Variants in MCPH1 observed in about 807,000 individuals in gnomAD.
The protein encoded by MCPH1 is microcephalin 1.
A neutral mutation model predicts 84.5 loss-of-function variants in MCPH1; 104 were observed. The observed-to-expected ratio is 1.23, with a 90% CI of 1.05 to 1.45. The LOEUF is 1.45. MCPH1 is among the 40% of genes most tolerant of loss of function. The probability of loss-of-function intolerance (pLI) is 0.00; values close to 1 mark genes in which losing one functional copy is unlikely to be tolerated. For synonymous variants in MCPH1, 514 were observed against 366.8 expected (o/e 1.40, Z -4.58); for missense variants, 1,498 against 1,005.7 (o/e 1.49, Z -6.62).
chr8:6,469,990 G>T (rs1014072120), intron 9 of MCPH1, among the ~76,000 whole-genome samples: 1 of 152,006 alleles, frequency 6.6e-6, no homozygotes, highest in African/African-American at 2.4e-5. Flanking sequence ...CTTTGGATGC[G>T]CCTAACTGTG....
intron 3 of MCPH1, among the ~76,000 whole-genome samples, chr8:6,420,365 G>A (rs1799990491): frequency 6.6e-6 from 1 of 152,112 alleles, no homozygotes; most frequent in Admixed American, 6.5e-5. Flanking sequence ...GGAGTCTTAA[G>A]CGTATTCTCC....
intron 12 of MCPH1, chr8:6,562,578 T>TTTTTTTTTTTTTTTTTTTTTTAA: frequency 2.3e-6 from 2 of 880,186 alleles, no homozygotes; most frequent in Non-Finnish European, 3.1e-6. Context: ...TTTTGGTTGT[T>TTTTTTTTTTTTTTTTTTTTTTAA]AAAACCTGAG....
chr8:6,593,833 T>G (rs1280592600), intron 12 of MCPH1, among the ~76,000 whole-genome samples: 1 of 152,234 alleles, frequency 6.6e-6, no homozygotes, highest in Non-Finnish European at 1.5e-5. Flanking sequence ...TACTTTCTTT[T>G]GCAAAGATTG....
At chr8:6,593,662 A>G (rs968981767) in intron 12 of MCPH1, among the ~76,000 whole-genome samples, 3 of 152,162 alleles carry the variant, frequency 2.0e-5, no homozygotes, top group Admixed American at 1.3e-4. Context: ...CCCAGACACC[A>G]TGTTTTTATG....
Position 6,621,558 on chromosome 8 carries a change from C to G in MCPH1, c.2319C>G (p.Ala773=). 1 of 1,614,220 alleles carries G rather than the reference C, an allele frequency of 6.2e-7. No homozygotes were observed. The highest frequency in any genetic ancestry group is 1.3e-5 in the African/African-American group (1 of 75,050). ...FVSPASSPPV[A]KLCELVHLCG... is the part of the protein sequence containing the mutation. The stretch of plus-strand genomic sequence containing the variant: ...CGCCTGCCAGCAGCCCCCCAGTGGC[C>G]AAGCTCTGTGAACTAGTCCACCTGT... The change falls in exon 13 of 14, where the codon GCC becomes GCG. Residue 773 remains alanine (A), a synonymous_variant. Coordinates refer to ENST00000344683, the MANE Select transcript of MCPH1 (RefSeq NM_024596.5).
chr8:6,483,712 T>C (rs1809509019), intron 11 of MCPH1, among the ~76,000 whole-genome samples: 1 of 152,070 alleles, frequency 6.6e-6, no homozygotes, highest in Admixed American at 6.5e-5. Flanking sequence ...ATAAAAAAAC[T>C]AGCTCGGCAT....
At position 6,645,728 on chromosome 8, in the gene MCPH1, A is replaced by G. The variant is rs372609256; in HGVS notation, c.*2679A>G. The G allele has an allele frequency of 1.8e-4, 28 of 152,168 alleles. No homozygotes were observed. In the East Asian group the frequency reaches 4.8e-3, roughly 26 times the overall value. 9.4% of individuals were successfully genotyped at this position (152,168 alleles called of 1,614,324 possible). A position where few individuals can be genotyped will look rare whatever the true frequency, so the allele number is the denominator to read the frequency against. ...ACCTAACAGAATTGTATTTATATAT[A>G]CTGTCAATAAGCAATTCAAAATGAA... On this transcript the variant is annotated 3_prime_UTR_variant, in exon 14 of 14. Coordinates refer to ENST00000344683, the MANE Select transcript of MCPH1 (RefSeq NM_024596.5).
chr8:6,509,774 T>C (rs550543113), intron 12 of MCPH1, among the ~76,000 whole-genome samples: 10 of 152,334 alleles, frequency 6.6e-5, no homozygotes, highest in Admixed American at 1.3e-4. Context: ...CATCATAGCT[T>C]AGCTCTAGCC....
chr8:6,509,781 A>C (rs2442635), intron 12 of MCPH1, among the ~76,000 whole-genome samples: 1 of 151,938 alleles, frequency 6.6e-6, no homozygotes, highest in Non-Finnish European at 1.5e-5. Context: ...GCTTAGCTCT[A>C]GCCTTCCTTA....
At chr8:6,445,622 A>T in intron 8 of MCPH1, 75 bp downstream of exon 8, 1 of 1,507,306 alleles carries the variant, frequency 6.6e-7, no homozygotes, top group Non-Finnish European at 8.8e-7. Context: ...TAAATTTATC[A>T]CAACTTTTTC....
In MCPH1 at chr8:6,505,479, AGAATATATATATTC is replaced by A. The variant is rs1813359165; in HGVS notation, c.2214+5551_2214+5564del. The stretch of plus-strand genomic sequence containing the variant: ...GAATATATATATTCTTTACATATAT[AGAATATATATATTC>A]TTTATATATGTATATATAGAATATA... On this transcript the variant is annotated intron_variant, in intron 12 of 13. Transcript: ENST00000344683. 1.5e-4 allele frequency among the ~76,000 whole-genome samples: 11 copies of A among 73,516 alleles called. 1 individual carries two copies. Among genetic ancestry groups the A allele is most frequent in the Non-Finnish European group, 1.9e-4 (7 of 37,006 alleles). 48.2% of individuals were successfully genotyped at this position (73,516 alleles called of 152,430 possible).
intron 10 of MCPH1, among the ~76,000 whole-genome samples, chr8:6,478,031 A>G (rs1489627090): frequency 6.6e-6 from 1 of 152,256 alleles, no homozygotes; most frequent in Non-Finnish European, 1.5e-5. Context: ...AAGGGTTAAT[A>G]GCTTGTTGGC....
chr8:6,496,689 A>T (rs150734243), intron 11 of MCPH1, among the ~76,000 whole-genome samples: 1 of 152,290 alleles, frequency 6.6e-6, no homozygotes, highest in African/African-American at 2.4e-5. Flanking sequence ...TAGTGTTATG[A>T]CTAACAGTAA....
chr8:6,461,627 A>G (rs1806310775), intron 9 of MCPH1, among the ~76,000 whole-genome samples: 1 of 152,062 alleles, frequency 6.6e-6, no homozygotes, highest in South Asian at 2.1e-4. Flanking sequence ...GGCGTGAGCC[A>G]CCACACCCGG....
intron 11 of MCPH1, chr8:6,494,517 T>G (rs1811024169): frequency 6.6e-6 from 1 of 152,160 alleles, no homozygotes; most frequent in Non-Finnish European, 1.5e-5. Flanking sequence ...AATAAAGTAC[T>G]CAGTAAACAC....
intron 12 of MCPH1, among the ~76,000 whole-genome samples, chr8:6,510,832 C>T (rs1814911274): frequency 6.6e-6 from 1 of 152,146 alleles, no homozygotes; most frequent in African/African-American, 2.4e-5. Flanking sequence ...ATTAAGGCAG[C>T]CCTAGAAACT....
chr8:6,443,164 G>A (rs1224117126), intron 7 of MCPH1, among the ~76,000 whole-genome samples: 1 of 152,162 alleles, frequency 6.6e-6, no homozygotes, highest in African/African-American at 2.4e-5. Context: ...GAAAAACCAG[G>A]ACACAGAGGT....
intron 12 of MCPH1, among the ~76,000 whole-genome samples, chr8:6,586,944 G>A (rs1033300290): frequency 6.6e-6 from 1 of 152,270 alleles, no homozygotes; most frequent in Non-Finnish European, 1.5e-5. Context: ...TCTGCTAACA[G>A]AGTGCAGGCT....
rs1323898856 is a variant in MCPH1 at position 6,505,460 on chromosome 8, AT to A, written c.2214+5532del. On this transcript the variant is annotated intron_variant, in intron 12 of 13. Coordinates refer to ENST00000344683, the MANE Select transcript of MCPH1 (RefSeq NM_024596.5). ...TATTCTTTATATACATATAGAATAT[AT>A]ATATTCTTTACATATATAGAATATA... 1.1e-3 allele frequency among the ~76,000 whole-genome samples: 78 copies of A among 70,170 alleles called. 6 individuals are homozygous for A. The highest frequency in any genetic ancestry group is 3.9e-3 in the African/African-American group (77 of 19,988). The allele number at this position is 70,170 out of a possible 152,430, so 46.0% of individuals were successfully genotyped here. A position where few individuals can be genotyped will look rare whatever the true frequency, so the allele number is the denominator to read the frequency against.
Sources: gnomAD v4.1 joint callset for allele counts (sites outside exome capture counted in the v4.1 genomes callset) on GRCh38, gnomAD v4.1.1 for gene constraint, MANE v1.5 for transcripts, NCBI Gene and HGNC (gene_info 2026-07-23, HGNC 2026-07-21) for gene names.